Variants in PIWIL3 observed in about 807,000 individuals in gnomAD.
PIWIL3 encodes the protein piwi like RNA-mediated gene silencing 3.
Under a neutral mutation model 109.7 loss-of-function variants are expected in PIWIL3, and 101 were observed. That is an observed-to-expected ratio of 0.92 (90% CI 0.78 to 1.09). PIWIL3 has a LOEUF of 1.09. PIWIL3 is among the 50% of genes least tolerant of loss of function. The probability of loss-of-function intolerance (pLI) is 0.00; values close to 1 mark genes in which losing one functional copy is unlikely to be tolerated. For synonymous variants in PIWIL3, 373 were observed against 376.4 expected (o/e 0.99, Z 0.10); for missense variants, 1,031 against 1,072.6 (o/e 0.96, Z 0.54).
At chr22:24,740,697 C>G (rs1206133270) in intron 12 of PIWIL3, among the ~76,000 whole-genome samples, 2 of 151,994 alleles carry the variant, frequency 1.3e-5, no homozygotes, top group African/African-American at 4.8e-5. Context: ...AAATATACAA[C>G]CCTCCTAGAT....
At chr22:24,733,727 C>G (rs1298678615) in intron 14 of PIWIL3, among the ~76,000 whole-genome samples, 2 of 151,626 alleles carry the variant, frequency 1.3e-5, no homozygotes, top group Non-Finnish European at 2.9e-5. Context: ...AAAAAACAGG[C>G]AAGAAGAATA....
chr22:24,733,941 T>G (rs1601828813), intron 14 of PIWIL3, 143 bp downstream of exon 14: 1 of 775,900 alleles, frequency 1.3e-6, no homozygotes, highest in East Asian at 3.1e-5. Flanking sequence ...ACCATGAAAG[T>G]TTGTATTCAG....
chr22:24,757,842 T>C (rs1338610286), intron 4 of PIWIL3, 66 bp downstream of exon 4: 17 of 1,163,970 alleles, frequency 1.5e-5, no homozygotes, highest in Non-Finnish European at 2.0e-5. Flanking sequence ...TGTCTCTCAA[T>C]GAAAAAAAAA....
At chr22:24,748,701 T>TA (rs2147693236) in intron 12 of PIWIL3, among the ~76,000 whole-genome samples, 1 of 152,354 alleles carries the variant, frequency 6.6e-6, no homozygotes, top group South Asian at 2.1e-4. Context: ...TCCAGAATAT[T>TA]AATTAGATAG....
chr22:24,745,391 G>T (rs992762804), intron 12 of PIWIL3, among the ~76,000 whole-genome samples: 5 of 152,106 alleles, frequency 3.3e-5, no homozygotes, highest in Non-Finnish European at 7.4e-5. Context: ...GAGGTCAGGA[G>T]TTCAAGACCA....
Position 24,760,780 on chromosome 22 carries a change from C to CAAAAAAAAAAAAAAAAAAAAAA in PIWIL3, c.103-813_103-792dup, listed in dbSNP as rs61469163. Among the ~76,000 whole-genome samples, 70 of 41,020 alleles carry CAAAAAAAAAAAAAAAAAAAAAA rather than the reference C, an allele frequency of 1.7e-3. 6 individuals carry two copies. Among genetic ancestry groups the CAAAAAAAAAAAAAAAAAAAAAA allele is most frequent in the East Asian group, 0.014 (13 of 940 alleles). 26.9% of individuals were successfully genotyped at this position (41,020 alleles called of 152,430 possible). ...GGGCAACAAGAGCGAAACTCTGTCT[C>CAAAAAAAAAAAAAAAAAAAAAA]AAAAAAAAAAAAAAAAAAAAAAAGC... On this transcript the variant is annotated intron_variant, in intron 2 of 20. Transcript: ENST00000616349.
intron 2 of PIWIL3, chr22:24,761,869 A>C: frequency 1.2e-6 from 1 of 807,638 alleles, no homozygotes; most frequent in Non-Finnish European, 1.5e-6. Context: ...AAACAGCAGA[A>C]TAAGTGGACC....
chr22:24,749,003 C>G lies in PIWIL3; in HGVS notation c.1353G>C (p.Glu451Asp). 6.2e-7 allele frequency: 1 copy of G among 1,612,114 alleles called. No individual in the cohort carries two copies. ...ATTTCAAATCCCAGAGTTGAAGTAA[C>G]TCTCGTACTTTTTTATTACTGAAAA... ...NTLQDNKKVR[E>D]LLQLWDLKFD... The change falls in exon 12 of 21, where the codon GAG becomes GAC. Residue 451 changes from glutamate to aspartate, a missense_variant. Transcript: ENST00000616349.
chr22:24,754,187 A>G lies in PIWIL3; in HGVS notation c.804T>C (p.Val268=). Reference sequence around the variant, plus strand: ...TGTTTTCGTATTGAAGAACAGAAGTAACATAACCAAGCCAGATTTCCAAAC... The same window carrying G: ...TGTTTTCGTATTGAAGAACAGAAGTGACATAACCAAGCCAGATTTCCAAAC... ...GTSLEIWLGY[V]TSVLQYENSI... Residue 268 remains valine (V), a synonymous_variant, in exon 8 of 21, where the codon GTT becomes GTC. Transcript: ENST00000616349. The G allele has an allele frequency of 6.2e-7, 1 of 1,614,034 alleles. No individual in the cohort carries two copies. Among genetic ancestry groups the G allele is most frequent in the Non-Finnish European group, 8.5e-7 (1 of 1,179,888 alleles).
chr22:24,721,376 T>C (rs1462454674), intron 19 of PIWIL3, among the ~76,000 whole-genome samples: 3 of 152,234 alleles, frequency 2.0e-5, no homozygotes, highest in Non-Finnish European at 4.4e-5. Context: ...GAACTTTTAT[T>C]GATTTTTGCT....
chr22:24,730,536 T>C (rs901933342), intron 14 of PIWIL3, among the ~76,000 whole-genome samples: 1 of 152,126 alleles, frequency 6.6e-6, no homozygotes, highest in Non-Finnish European at 1.5e-5. Flanking sequence ...TACAATCATA[T>C]GCATATGGTG....
At chr22:24,758,806 T>A (rs550880973) in intron 3 of PIWIL3, among the ~76,000 whole-genome samples, 4 of 152,302 alleles carry the variant, frequency 2.6e-5, no homozygotes, top group Non-Finnish European at 5.9e-5. Flanking sequence ...AACTAGTTCC[T>A]GACACATCCA....
At position 24,720,271 on chromosome 22, in the gene PIWIL3, T is replaced by G. The variant is rs1349864272; in HGVS notation, c.2358-376A>C. Among the ~76,000 whole-genome samples the G allele has an allele frequency of 3.3e-4, 47 of 140,752 alleles. 2 individuals are homozygous for G. The highest frequency in any genetic ancestry group is 9.5e-4 in the South Asian group (4 of 4,196). The allele number at this position is 140,752 out of a possible 152,430, so 92.3% of individuals were successfully genotyped here. On this transcript the variant is annotated intron_variant, in intron 19 of 20. Coordinates refer to ENST00000616349, the MANE Select transcript of PIWIL3 (RefSeq NM_001255975.1). ...CTATATTTAAACTGTTTTTTTTTTT[T>G]TTTTTTTTTTTTTTTTTTTAGACGG...
At chr22:24,741,991 T>G (rs1385544694) in intron 12 of PIWIL3, among the ~76,000 whole-genome samples, 1 of 151,952 alleles carries the variant, frequency 6.6e-6, no homozygotes, top group African/African-American at 2.4e-5. Flanking sequence ...ATTGCATACC[T>G]AGAAAACCCT....
rs192585634 is a variant in PIWIL3, at chr22:24,743,267, A to C, written c.1449+5640T>G. 4.3e-3 allele frequency among the ~76,000 whole-genome samples: 652 copies of C among 152,308 alleles called. 1 individual carries two copies. Among genetic ancestry groups the C allele is most frequent in the Non-Finnish European group, 6.5e-3 (441 of 68,026 alleles). ...GCTGGTGGGAATGTAAACTAGTACA[A>C]CCACTCTGGAAAACAGTGTAGAGAT... is the stretch of plus-strand genomic sequence containing the variant. On this transcript the variant is annotated intron_variant, in intron 12 of 20. Transcript: ENST00000616349.
rs780515704 is a variant in PIWIL3 at position 24,748,950 on chromosome 22, C to T, written c.1406G>A (p.Gly469Glu). 6.2e-7 allele frequency: 1 copy of T among 1,613,670 alleles called. No homozygotes were observed. The highest frequency in any genetic ancestry group is 1.1e-5 in the South Asian group (1 of 91,014). Reference sequence around the variant, plus strand: ...GATGTTTGCGTTTTTCAAAACTCTTCCCGGGACGGACAAAAAATTGGTATC... The same window carrying T: ...GATGTTTGCGTTTTTCAAAACTCTTTCCGGGACGGACAAAAAATTGGTATC... Reference protein sequence around the residue: ...KFDTNFLSVPGRVLKNANIVQ... With the variant: ...KFDTNFLSVPERVLKNANIVQ... The change falls in exon 12 of 21, where the codon GGA (glycine) becomes GAA (glutamate). Residue 469 changes from glycine to glutamate, a missense_variant. Coordinates refer to ENST00000616349, the MANE Select transcript of PIWIL3 (RefSeq NM_001255975.1).
At chr22:24,724,298 C>T (rs757604335) in intron 18 of PIWIL3, among the ~76,000 whole-genome samples, 4 of 151,756 alleles carry the variant, frequency 2.6e-5, no homozygotes, top group Non-Finnish European at 4.4e-5. Context: ...CTGCACAGTA[C>T]GATTTTTTTT....
At chr22:24,736,971 G>A (rs749474461) in intron 12 of PIWIL3, among the ~76,000 whole-genome samples, 1 of 152,190 alleles carries the variant, frequency 6.6e-6, no homozygotes, top group Non-Finnish European at 1.5e-5. Context: ...GTGCTCTGTG[G>A]CCCTAAGTGA....
rs139495727 is a variant in PIWIL3 at position 24,755,832 on chromosome 22, G to A, written c.644C>T (p.Thr215Met). The A allele has an allele frequency of 3.9e-5, 63 of 1,613,740 alleles. No homozygotes were observed. Among genetic ancestry groups the A allele is most frequent in the African/African-American group, 1.9e-4 (14 of 74,836 alleles). Residue 215 changes from threonine to methionine, a missense_variant, in exon 6 of 21, where the codon ACG becomes ATG. Coordinates refer to ENST00000616349, the MANE Select transcript of PIWIL3 (RefSeq NM_001255975.1). ...GCGTAGGCAATCTGGCGACGTGGGC[G>A]TGAGTTCTTTGGAAAACTCAACTGT... ...KITVEFSKEL[T>M]PTSPDCLRYY... is the part of the protein sequence containing the mutation.
Sources: gnomAD v4.1 joint callset for allele counts (sites outside exome capture counted in the v4.1 genomes callset) on GRCh38, gnomAD v4.1.1 for gene constraint, MANE v1.5 for transcripts, NCBI Gene and HGNC (gene_info 2026-07-23, HGNC 2026-07-21) for gene names.